ROBO1: variants seen among roughly 807,000 people sequenced by gnomAD.
ROBO1 encodes roundabout guidance receptor 1.
In ROBO1, 149 loss-of-function variants were observed where a neutral mutation model predicts 195.9. That is an observed-to-expected ratio of 0.76 (90% CI 0.67 to 0.87). ROBO1 has a LOEUF of 0.87. Among genes scored for constraint, ROBO1 ranks in the 40% least tolerant of loss-of-function variants. The pLI is 0.00. For synonymous variants in ROBO1, 816 were observed against 733.2 expected (o/e 1.11, Z -1.82); for missense variants, 1,933 against 2,068.3 (o/e 0.93, Z 1.27).
intron 1 of ROBO1, among the ~76,000 whole-genome samples, chr3:79,685,540 C>T (rs1947078020): frequency 6.6e-6 from 1 of 152,108 alleles, no homozygotes; most frequent in Non-Finnish European, 1.5e-5. Flanking sequence ...TGGGATAAAG[C>T]AAATAATGAT....
intron 1 of ROBO1, among the ~76,000 whole-genome samples, chr3:79,767,107 C>T (rs113077525): frequency 1.3e-5 from 2 of 152,186 alleles, no homozygotes; most frequent in African/African-American, 4.8e-5. Context: ...GCCTACATAC[C>T]GCCAAGAGTT....
At chr3:78,943,754 T>C (rs2040265579) in intron 3 of ROBO1, among the ~76,000 whole-genome samples, 1 of 152,152 alleles carries the variant, frequency 6.6e-6, no homozygotes, top group South Asian at 2.1e-4. Context: ...ATATACACTA[T>C]CAAGCATTTA....
At chr3:79,391,980 A>T (rs2036969778) in intron 2 of ROBO1, among the ~76,000 whole-genome samples, 1 of 152,180 alleles carries the variant, frequency 6.6e-6, no homozygotes, top group Non-Finnish European at 1.5e-5. Context: ...AGATATAAAG[A>T]CGTGATGCCT....
intron 3 of ROBO1, among the ~76,000 whole-genome samples, chr3:78,967,282 G>A (rs2076667720): frequency 6.6e-6 from 1 of 152,180 alleles, no homozygotes; most frequent in East Asian, 1.9e-4. Context: ...AGTCAGTCCT[G>A]TAAGGCAGTT....
chr3:78,909,790 C>A (rs969402403), intron 4 of ROBO1, among the ~76,000 whole-genome samples: 3 of 151,568 alleles, frequency 2.0e-5, no homozygotes, highest in Admixed American at 1.3e-4. Flanking sequence ...TTTTACACCA[C>A]CAGTGTATTT....
At chr3:79,693,659 A>G (rs1359657128) in intron 1 of ROBO1, among the ~76,000 whole-genome samples, 3 of 151,698 alleles carry the variant, frequency 2.0e-5, no homozygotes, top group African/African-American at 7.3e-5. Context: ...GCTGGTCTCA[A>G]ACTCCTGGCC....
intron 2 of ROBO1, among the ~76,000 whole-genome samples, chr3:79,312,170 C>G (rs2033518481): frequency 6.6e-6 from 1 of 152,176 alleles, no homozygotes; most frequent in Non-Finnish European, 1.5e-5. Context: ...TTCATTGATA[C>G]AATGAAGGTT....
intron 2 of ROBO1, among the ~76,000 whole-genome samples, chr3:79,452,018 TTTTTA>T (rs1243901474): frequency 6.6e-6 from 1 of 152,124 alleles, no homozygotes; most frequent in East Asian, 1.9e-4. Context: ...ATGCAACTTT[TTTTTA>T]TTTTAAGACT....
At chr3:79,558,794 GA>G (rs1212721020) in intron 2 of ROBO1, among the ~76,000 whole-genome samples, 2 of 152,030 alleles carry the variant, frequency 1.3e-5, no homozygotes, top group African/African-American at 4.8e-5. Context: ...AGTATGTGCA[GA>G]AAAAAATCAC....
chr3:79,330,550 C>T (rs1401911821), intron 2 of ROBO1, among the ~76,000 whole-genome samples: 2 of 150,234 alleles, frequency 1.3e-5, no homozygotes, highest in Admixed American at 1.3e-4. Context: ...TATTGGAACA[C>T]AGAACTGCTT....
intron 2 of ROBO1, among the ~76,000 whole-genome samples, chr3:79,163,499 A>G (rs1048306045): frequency 2.0e-5 from 3 of 152,128 alleles, no homozygotes; most frequent in Non-Finnish European, 2.9e-5. Context: ...GGGTGTATAA[A>G]TATCTCTTTG....
At chr3:79,118,262 T>C (rs1361560421) in intron 3 of ROBO1, among the ~76,000 whole-genome samples, 1 of 151,252 alleles carries the variant, frequency 6.6e-6, no homozygotes, top group Non-Finnish European at 1.5e-5. Flanking sequence ...CAATTTTTAA[T>C]GGCAAAACCT....
chr3:78,774,609 A>T (rs1021904929), intron 4 of ROBO1, among the ~76,000 whole-genome samples: 81 of 147,520 alleles, frequency 5.5e-4, no homozygotes, highest in African/African-American at 1.3e-3. Context: ...TTTTTAATAA[A>T]AAAAAAAAAA....
At chr3:79,624,215 A>T (rs926302735) in intron 1 of ROBO1, among the ~76,000 whole-genome samples, 2 of 152,140 alleles carry the variant, frequency 1.3e-5, no homozygotes, top group African/African-American at 4.8e-5. Flanking sequence ...TATGGAAAGG[A>T]AAAACTGGTA....
intron 1 of ROBO1, among the ~76,000 whole-genome samples, chr3:79,625,775 A>T (rs1945159212): frequency 6.6e-6 from 1 of 152,162 alleles, no homozygotes; most frequent in African/African-American, 2.4e-5. Context: ...ATTCTACCAG[A>T]GGTACAAGGG....
At chr3:79,182,286 A>C (rs1218843369) in intron 2 of ROBO1, among the ~76,000 whole-genome samples, 2 of 152,092 alleles carry the variant, frequency 1.3e-5, no homozygotes, top group South Asian at 2.1e-4. Context: ...TTTTGGGTGG[A>C]GACAGATTCC....
intron 2 of ROBO1, among the ~76,000 whole-genome samples, chr3:79,127,287 A>G (rs2080234518): frequency 6.6e-6 from 1 of 152,188 alleles, no homozygotes; most frequent in Non-Finnish European, 1.5e-5. Flanking sequence ...ATGTTCTGTC[A>G]CAAGTCATCT....
chr3:79,435,700 TAA>T (rs1242712795), intron 2 of ROBO1, among the ~76,000 whole-genome samples: 1 of 152,174 alleles, frequency 6.6e-6, no homozygotes, highest in African/African-American at 2.4e-5. Flanking sequence ...CAGAATAGTT[TAA>T]GACATCCATT....
chr3:78,626,705 G>T (rs1704805105), intron 26 of ROBO1, among the ~76,000 whole-genome samples: 1 of 151,790 alleles, frequency 6.6e-6, no homozygotes, highest in Non-Finnish European at 1.5e-5. Context: ...ATTGGTTGGG[G>T]ATGCTCAATA....
Sources: gnomAD v4.1 joint callset for allele counts (sites outside exome capture counted in the v4.1 genomes callset) on GRCh38, gnomAD v4.1.1 for gene constraint, MANE v1.5 for transcripts, NCBI Gene and HGNC (gene_info 2026-07-23, HGNC 2026-07-21) for gene names.